Variants in LYNX1 observed in about 807,000 individuals in gnomAD.
LYNX1 encodes the protein Ly6/neurotoxin 1, also known as ly-6/neurotoxin-like protein 1.
A neutral mutation model predicts 8.3 loss-of-function variants in LYNX1; 8 were observed. The ratio of observed to expected loss-of-function variants is 0.97; its 90% CI spans 0.57 to 1.74. The LOEUF is 1.74. Among genes scored for constraint, LYNX1 ranks in the 40% most tolerant of loss-of-function variants. LYNX1 has a pLI of 0.00. For missense variants in LYNX1, 158 were observed against 159.7 expected (o/e 0.99, Z 0.06); for synonymous variants, 73 against 67.9 (o/e 1.08, Z -0.37).
At position 142,775,299 on chromosome 8, in the gene LYNX1, A is replaced by G. The variant is rs750892875; in HGVS notation, c.219T>C (p.Tyr73=). The G allele has an allele frequency of 1.2e-6, 2 of 1,613,986 alleles. No individual in the cohort carries two copies. Among genetic ancestry groups the G allele is most frequent in the South Asian group, 1.1e-5 (1 of 91,078 alleles). ...SCVPRCFETV[Y]DGYSKHASTT... Reference sequence around the variant, plus strand: ...TGGACGCGTGCTTGGAGTAGCCATCATACACAGTCTCGAAGCAGCGGGGCA... The same window carrying G: ...TGGACGCGTGCTTGGAGTAGCCATCGTACACAGTCTCGAAGCAGCGGGGCA... Residue 73 remains tyrosine (Y), a synonymous_variant, in exon 4 of 4, where the codon TAT becomes TAC. Transcript: ENST00000652477.
chr8:142,774,149 T>TTGCCC lies in LYNX1; in HGVS notation c.*1017_*1018insGGGCA. ...CGGGGGAGGGGCTGGGTCTCCGCCC[T>TTGCCC]CCCCACCCCACCCTCCCCACTCCCG... On this transcript the variant is annotated 3_prime_UTR_variant, in exon 4 of 4. Coordinates refer to ENST00000652477, the MANE Select transcript of LYNX1 (RefSeq NM_177477.4). The TTGCCC allele has an allele frequency of 2.1e-5, 15 of 725,136 alleles. No homozygotes were observed. Among genetic ancestry groups the TTGCCC allele is most frequent in the Non-Finnish European group, 2.3e-5 (14 of 608,354 alleles). 44.9% of individuals were successfully genotyped at this position (725,136 alleles called of 1,614,324 possible).
Position 142,775,672 on chromosome 8 carries a change from C to T in LYNX1, c.75G>A (p.Val25=). ...LPLAQALDCH[V]CAYNGDNCFN... is the part of the protein sequence containing the mutation. ...AGCAGTTGTCTCCGTTGTAGGCACA[C>T]ACGTGGCAGTCCAAGGCCTGGGCTG... Residue 25 remains valine (V), a synonymous_variant, in exon 3 of 4, where the codon GTG becomes GTA. Coordinates refer to ENST00000652477, the MANE Select transcript of LYNX1 (RefSeq NM_177477.4). 6.2e-7 allele frequency: 1 copy of T among 1,601,506 alleles called. No homozygotes were observed. The highest frequency in any genetic ancestry group is 8.5e-7 in the Non-Finnish European group (1 of 1,174,182).
In LYNX1 at chr8:142,771,929, C is replaced by G. The variant is rs1203827146; in HGVS notation, c.*3238G>C. On this transcript the variant is annotated 3_prime_UTR_variant, in exon 4 of 4. Coordinates refer to ENST00000652477, the MANE Select transcript of LYNX1 (RefSeq NM_177477.4). ...TGTCCCCATGCTGACCTGGCCATGT[C>G]CCCAGGTCCCACCCCAGGGTCACTT... The G allele has an allele frequency of 2.0e-6, 2 of 985,892 alleles. No homozygotes were observed. The highest frequency in any genetic ancestry group is 1.2e-6 in the Non-Finnish European group (1 of 830,096). 61.1% of individuals were successfully genotyped at this position (985,892 alleles called of 1,614,324 possible).
At position 142,775,580 on chromosome 8, in the gene LYNX1, C is replaced by T. The variant is rs376592029; in HGVS notation, c.154+13G>A. The stretch of plus-strand genomic sequence containing the variant: ...GCTCCCCAGGCAGGGCCACGCAGGG[C>T]CCCCAGACTCACAGGTGCGCGTGGT... On this transcript the variant is annotated intron_variant, in intron 3 of 3. Transcript: ENST00000652477. The T allele has an allele frequency of 7.6e-6, 12 of 1,577,918 alleles. No individual in the cohort carries two copies. The highest frequency in any genetic ancestry group is 6.0e-6 in the Non-Finnish European group (7 of 1,161,842).
rs1329274035 is a variant in LYNX1 at position 142,775,361 on chromosome 8, A to G, written c.157T>C (p.Tyr53His). The change falls in exon 4 of 4, where the codon TAC becomes CAC. Residue 53 changes from tyrosine to histidine, a missense_variant and splice_region_variant. By Grantham distance (83) the Tyr-to-His change is moderately conservative. Transcript: ENST00000652477. ...CTGACCTTCATCCTGGTGGGGGTGT[A>G]GTCTGCAGAGGGGCGGGGCGGTGAG... Reference protein sequence around the residue: ...VAYCMTTRTYYTPTRMKVSKS... With the variant: ...VAYCMTTRTYHTPTRMKVSKS... The G allele has an allele frequency of 1.2e-6, 2 of 1,613,208 alleles. No homozygotes were observed. The highest frequency in any genetic ancestry group is 1.7e-6 in the Non-Finnish European group (2 of 1,179,772).
Position 142,771,903 on chromosome 8 carries a change from G to A in LYNX1, c.*3264C>T. 4 of 985,940 alleles carry A rather than the reference G, an allele frequency of 4.1e-6. No individual in the cohort carries two copies. The highest frequency in any genetic ancestry group is 4.8e-6 in the Non-Finnish European group (4 of 830,034). The allele number at this position is 985,940 out of a possible 1,614,324, so 61.1% of individuals were successfully genotyped here. A position where few individuals can be genotyped will look rare whatever the true frequency, so the allele number is the denominator to read the frequency against. On this transcript the variant is annotated 3_prime_UTR_variant, in exon 4 of 4. Coordinates refer to ENST00000652477, the MANE Select transcript of LYNX1 (RefSeq NM_177477.4). ...AGACCAGAGCTCCTGCTGGAGCCGG[G>A]TGTCCCCATGCTGACCTGGCCATGT...
rs1435014902 is a variant in LYNX1, at chr8:142,774,253, C to A, written c.*914G>T. Reference sequence around the variant, plus strand: ...GCGCCGGCCCCAGGCTGCTCCCAACCCCCAGCCTGTGCGCGCATCCCCCAG... The same window carrying A: ...GCGCCGGCCCCAGGCTGCTCCCAACACCCAGCCTGTGCGCGCATCCCCCAG... On this transcript the variant is annotated 3_prime_UTR_variant, in exon 4 of 4. Transcript: ENST00000652477. 6.1e-6 allele frequency: 6 copies of A among 984,744 alleles called. No homozygotes were observed. In the South Asian group the frequency reaches 1.9e-4, roughly 31 times the overall value. The allele number at this position is 984,744 out of a possible 1,614,324, so 61.0% of individuals were successfully genotyped here.
chr8:142,774,149 T>TGGGCCCC lies in LYNX1; in HGVS notation c.*1017_*1018insGGGGCCC. On this transcript the variant is annotated 3_prime_UTR_variant, in exon 4 of 4. Transcript: ENST00000652477. ...CGGGGGAGGGGCTGGGTCTCCGCCC[T>TGGGCCCC]CCCCACCCCACCCTCCCCACTCCCG... The TGGGCCCC allele has an allele frequency of 1.1e-5, 8 of 725,164 alleles. No homozygotes were observed. The highest frequency in any genetic ancestry group is 1.3e-5 in the Non-Finnish European group (8 of 608,378). The allele number at this position is 725,164 out of a possible 1,614,324, so 44.9% of individuals were successfully genotyped here.
rs375026616 is a variant in LYNX1 at position 142,774,112 on chromosome 8, C to T, written c.*1055G>A. 4.0e-5 allele frequency: 39 copies of T among 985,146 alleles called. No individual in the cohort carries two copies. Among genetic ancestry groups the T allele is most frequent in the Non-Finnish European group, 4.7e-5 (39 of 829,860 alleles). 61.0% of individuals were successfully genotyped at this position (985,146 alleles called of 1,614,324 possible). A position where few individuals can be genotyped will look rare whatever the true frequency, so the allele number is the denominator to read the frequency against. On this transcript the variant is annotated 3_prime_UTR_variant, in exon 4 of 4. Transcript: ENST00000652477. ...GTGATGGAGGGACCCACTCACTGTG[C>T]GCATCCCGCTGCGGGGGAGGGGCTG...
chr8:142,775,952 C>T lies in LYNX1; in HGVS notation c.6G>A (p.Thr2=), dbSNP rs147683939. Residue 2 remains threonine (T), a synonymous_variant, in exon 2 of 4, where the codon ACG becomes ACA. Transcript: ENST00000652477. M[T]PLLTLILVVL... is the part of the protein sequence containing the mutation. Reference sequence around the variant, plus strand: ...CCACCAGGATCAGGGTGAGCAGGGGCGTCATGGCTGCAGGCAGGAGGGCAG... The same window carrying T: ...CCACCAGGATCAGGGTGAGCAGGGGTGTCATGGCTGCAGGCAGGAGGGCAG... 65 of 1,614,048 alleles carry T rather than the reference C, an allele frequency of 4.0e-5. No homozygotes were observed. The African/African-American group carries it at 4.3e-4, about 11-fold the overall frequency.
At position 142,773,196 on chromosome 8, in the gene LYNX1, A is replaced by T; in HGVS notation, c.*1971T>A. 1 of 985,632 alleles carries T rather than the reference A, an allele frequency of 1.0e-6. No homozygotes were observed. The highest frequency in any genetic ancestry group is 1.2e-6 in the Non-Finnish European group (1 of 830,068). 61.1% of individuals were successfully genotyped at this position (985,632 alleles called of 1,614,324 possible). ...TCCCTCCCGGTAAGCATCCCAAGGC[A>T]TCGCTGGCTGCAGCTGAGAGGGCCT... On this transcript the variant is annotated 3_prime_UTR_variant, in exon 4 of 4. Transcript: ENST00000652477.
Position 142,774,303 on chromosome 8 carries a change from C to T in LYNX1, c.*864G>A. 1 of 985,798 alleles carries T rather than the reference C, an allele frequency of 1.0e-6. No individual in the cohort carries two copies. Among genetic ancestry groups the T allele is most frequent in the Non-Finnish European group, 1.2e-6 (1 of 830,182 alleles). 61.1% of individuals were successfully genotyped at this position (985,798 alleles called of 1,614,324 possible). A position where few individuals can be genotyped will look rare whatever the true frequency, so the allele number is the denominator to read the frequency against. On this transcript the variant is annotated 3_prime_UTR_variant, in exon 4 of 4. Transcript: ENST00000652477. ...GTCCTGCGTCTTTTGCCTTGCTCGG[C>T]TGGGTCCTGCTGTGGTTGGGGACCA...
rs1307242441 is a variant in LYNX1, at chr8:142,774,196, G to T, written c.*971C>A. The T allele has an allele frequency of 1.5e-4, 151 of 983,946 alleles. No individual in the cohort carries two copies. Among genetic ancestry groups the T allele is most frequent in the Non-Finnish European group, 1.8e-4 (146 of 829,484 alleles). 61.0% of individuals were successfully genotyped at this position (983,946 alleles called of 1,614,324 possible). On this transcript the variant is annotated 3_prime_UTR_variant, in exon 4 of 4. Transcript: ENST00000652477. ...CCCGCCCCCGCACGGCCACGAGAGG[G>T]TGGCATGCTCCGCCTTCCCACGCCC...
chr8:142,777,268 C>T (rs1343734686), upstream of LYNX1: 1 of 157,096 alleles, frequency 6.4e-6, no homozygotes, highest in African/African-American at 2.4e-5. Context: ...AGTCCCGCCC[C>T]CGGAACAGCC....
Position 142,774,695 on chromosome 8 carries a change from A to G in LYNX1, c.*472T>C. The G allele has an allele frequency of 1.0e-6, 1 of 997,324 alleles. No homozygotes were observed. The highest frequency in any genetic ancestry group is 1.2e-6 in the Non-Finnish European group (1 of 837,288). The allele number at this position is 997,324 out of a possible 1,614,324, so 61.8% of individuals were successfully genotyped here. On this transcript the variant is annotated 3_prime_UTR_variant, in exon 4 of 4. Coordinates refer to ENST00000652477, the MANE Select transcript of LYNX1 (RefSeq NM_177477.4). ...ACCGGTCCTGGCAGCTCCTGGCCTC[A>G]GTAGGAAGCGTGACTAGGCCTGGAG...
rs967518524 is a variant in LYNX1, at chr8:142,772,615, C to T, written c.*2552G>A. On this transcript the variant is annotated 3_prime_UTR_variant, in exon 4 of 4. Transcript: ENST00000652477. The stretch of plus-strand genomic sequence containing the variant: ...AGGGGCAAGATAATGGCTCCCATTG[C>T]CGGGCTGCTATACAGTGCTCAGGGC... 6.1e-6 allele frequency: 6 copies of T among 985,428 alleles called. No homozygotes were observed. The African/African-American group carries it at 7.0e-5, about 11-fold the overall frequency. The allele number at this position is 985,428 out of a possible 1,614,324, so 61.0% of individuals were successfully genotyped here. A position where few individuals can be genotyped will look rare whatever the true frequency, so the allele number is the denominator to read the frequency against.
chr8:142,775,789 C>G (rs185231359), intron 2 of LYNX1, 95 bp from the exon 3 acceptor site: 1 of 1,538,576 alleles, frequency 6.5e-7, no homozygotes, highest in Non-Finnish European at 8.9e-7. Context: ...TCACCTTCCC[C>G]GGGGCAGGGG....
Position 142,774,149 on chromosome 8 carries a change from T to TGGGCCCCCCCCCC in LYNX1, c.*1017_*1018insGGGGGGGGGGCCC. The stretch of plus-strand genomic sequence containing the variant: ...CGGGGGAGGGGCTGGGTCTCCGCCC[T>TGGGCCCCCCCCCC]CCCCACCCCACCCTCCCCACTCCCG... On this transcript the variant is annotated 3_prime_UTR_variant, in exon 4 of 4. Transcript: ENST00000652477. The TGGGCCCCCCCCCC allele has an allele frequency of 1.4e-6, 1 of 725,202 alleles. No homozygotes were observed. Among genetic ancestry groups the TGGGCCCCCCCCCC allele is most frequent in the South Asian group, 6.5e-5 (1 of 15,338 alleles). 44.9% of individuals were successfully genotyped at this position (725,202 alleles called of 1,614,324 possible). A position where few individuals can be genotyped will look rare whatever the true frequency, so the allele number is the denominator to read the frequency against.
rs188343856 is a variant in LYNX1, at chr8:142,772,111, G to C, written c.*3056C>G. ...CCGCCCAAGCAGCCACTCCTGTCCA[G>C]TTCCCAGAATGTATAACATCCTAGG... On this transcript the variant is annotated 3_prime_UTR_variant, in exon 4 of 4. Transcript: ENST00000652477. 1.5e-3 allele frequency: 1,432 copies of C among 986,090 alleles called. No homozygotes were observed. Among genetic ancestry groups the C allele is most frequent in the Non-Finnish European group, 1.6e-3 (1,332 of 830,280 alleles). 61.1% of individuals were successfully genotyped at this position (986,090 alleles called of 1,614,324 possible).
Sources: gnomAD v4.1 joint callset for allele counts on GRCh38, gnomAD v4.1.1 for gene constraint, MANE v1.5 for transcripts, NCBI Gene and HGNC (gene_info 2026-07-23, HGNC 2026-07-21) for gene names.